Variants in C2CD3 observed in about 807,000 individuals in gnomAD.
C2CD3 encodes the protein C2 domain containing 3 centriole elongation regulator.
In C2CD3, 148 loss-of-function variants were observed where a neutral mutation model predicts 234.0. The ratio of observed to expected loss-of-function variants is 0.63; its 90% CI spans 0.55 to 0.72. C2CD3 has a LOEUF of 0.72. Among genes scored for constraint, C2CD3 ranks in the 30% least tolerant of loss-of-function variants. The pLI is 0.00. For synonymous variants in C2CD3, 1,000 were observed against 1,035.4 expected (o/e 0.97, Z 0.66); for missense variants, 2,577 against 2,811.5 (o/e 0.92, Z 1.89).
chr11:74,055,639 C>G (rs1296034232), intron 25 of C2CD3, among the ~76,000 whole-genome samples: 1 of 152,214 alleles, frequency 6.6e-6, no homozygotes, highest in East Asian at 1.9e-4. Flanking sequence ...GCTATTATCA[C>G]CTGAGTGACT....
chr11:74,133,274 T>A, intron 6 of C2CD3, 151 bp downstream of exon 6: 1 of 721,484 alleles, frequency 1.4e-6, no homozygotes, highest in South Asian at 1.8e-5. Context: ...ATTTTTAGTA[T>A]CTTAACTCCT....
intron 32 of C2CD3, among the ~76,000 whole-genome samples, chr11:74,026,869 G>GCTGAGGCA (rs1330318982): frequency 2.6e-5 from 4 of 151,146 alleles, no homozygotes; most frequent in African/African-American, 7.3e-5. Context: ...TACTTGGGAG[G>GCTGAGGCA]CTGAGGCAGG....
chr11:74,103,957 T>A (rs1251575995), intron 13 of C2CD3, among the ~76,000 whole-genome samples: 1 of 152,154 alleles, frequency 6.6e-6, no homozygotes, highest in Non-Finnish European at 1.5e-5. Flanking sequence ...AACTTAAGCA[T>A]CAGAATGAAT....
chr11:74,147,814 T>C (rs991379201), intron 3 of C2CD3, among the ~76,000 whole-genome samples: 1 of 152,236 alleles, frequency 6.6e-6, no homozygotes, highest in African/African-American at 2.4e-5. Context: ...GAAACAGGAT[T>C]TCCAGAAATG....
At chr11:74,083,135 C>T (rs1040617387) in intron 22 of C2CD3, among the ~76,000 whole-genome samples, 2 of 152,238 alleles carry the variant, frequency 1.3e-5, no homozygotes, top group Non-Finnish European at 1.5e-5. Context: ...AGAAATAACA[C>T]CACACATCTA....
chr11:74,116,950 A>ATATATGTGTATATACACATATACACG (rs1956978871), intron 9 of C2CD3, among the ~76,000 whole-genome samples: 1 of 88,978 alleles, frequency 1.1e-5, no homozygotes, highest in African/African-American at 4.5e-5. Context: ...ATATACACGT[A>ATATATGTGTATATACACATATACACG]TATATGTGTA....
chr11:74,145,444 T>C (rs1855114956), intron 3 of C2CD3, among the ~76,000 whole-genome samples: 3 of 152,220 alleles, frequency 2.0e-5, no homozygotes, highest in African/African-American at 4.8e-5. Context: ...AAGTTCCTTA[T>C]AGATTCTGGA....
intron 5 of C2CD3, among the ~76,000 whole-genome samples, chr11:74,137,328 G>C (rs1957896509): frequency 6.6e-6 from 1 of 151,740 alleles, no homozygotes; most frequent in Non-Finnish European, 1.5e-5. Context: ...TTTAACTACT[G>C]TAGCCCTGAT....
At chr11:74,059,166 A>G (rs1024611628) in intron 24 of C2CD3, among the ~76,000 whole-genome samples, 1 of 152,140 alleles carries the variant, frequency 6.6e-6, no homozygotes, top group Non-Finnish European at 1.5e-5. Context: ...CTGTATGTGT[A>G]TTCTAACTGG....
chr11:74,048,382 C>T, intron 27 of C2CD3, 44 bp from the exon 28 acceptor site: 3 of 1,597,474 alleles, frequency 1.9e-6, no homozygotes, highest in African/African-American at 1.3e-5. Context: ...CACCATAAAC[C>T]CATTCGTAAC....
At chr11:74,122,918 T>TGTCAC in intron 8 of C2CD3, 70 bp downstream of exon 8, 3 of 595,832 alleles carry the variant, frequency 5.0e-6, no homozygotes, top group Non-Finnish European at 7.1e-6. Flanking sequence ...ATAGCTGTCA[T>TGTCAC]GCCTGCAGCT....
intron 7 of C2CD3, among the ~76,000 whole-genome samples, chr11:74,128,130 C>T (rs909472769): frequency 9.2e-5 from 14 of 152,080 alleles, no homozygotes; most frequent in Non-Finnish European, 1.8e-4. Context: ...CCCAAAGTGC[C>T]GGGATCACAG....
chr11:74,112,155 C>T (rs1195167630), intron 11 of C2CD3, among the ~76,000 whole-genome samples: 1 of 152,126 alleles, frequency 6.6e-6, no homozygotes, highest in East Asian at 1.9e-4. Context: ...TGTTACTATG[C>T]TGTAAAGGAA....
At chr11:74,083,592 A>G (rs1228687429) in intron 22 of C2CD3, among the ~76,000 whole-genome samples, 1 of 152,226 alleles carries the variant, frequency 6.6e-6, no homozygotes, top group Admixed American at 6.5e-5. Context: ...AAACAAACTT[A>G]CAAGAAAAAA....
At chr11:74,024,702 A>C (rs555421278) in intron 32 of C2CD3, among the ~76,000 whole-genome samples, 2 of 152,324 alleles carry the variant, frequency 1.3e-5, no homozygotes, top group East Asian at 3.9e-4. Flanking sequence ...AAATTTTGGT[A>C]TCTCTACTTG....
At chr11:74,149,084 T>C (rs1855421054) in intron 3 of C2CD3, among the ~76,000 whole-genome samples, 3 of 152,186 alleles carry the variant, frequency 2.0e-5, no homozygotes, top group Non-Finnish European at 4.4e-5. Flanking sequence ...TAGCTCCAAA[T>C]AACATGATTA....
chr11:74,159,376 G>A (rs1326774475), intron 3 of C2CD3, among the ~76,000 whole-genome samples: 1 of 152,128 alleles, frequency 6.6e-6, no homozygotes, highest in Non-Finnish European at 1.5e-5. Context: ...TCCAGAAGAA[G>A]GCACTGTTAT....
rs1956408805 is a variant in C2CD3 at position 74,103,727 on chromosome 11, A to C, written c.2086-102T>G. ...CATCAGATTATTAGGAAATGAATTA[A>C]CTCATCCTCAAACACTCTAATAGTA... On this transcript the variant is annotated intron_variant, in intron 13 of 32. Coordinates refer to ENST00000334126, the MANE Select transcript of C2CD3 (RefSeq NM_001286577.2). 5 of 931,438 alleles carry C rather than the reference A, an allele frequency of 5.4e-6. No homozygotes were observed. The South Asian group carries it at 8.4e-5, about 16-fold the overall frequency. 57.7% of individuals were successfully genotyped at this position (931,438 alleles called of 1,614,324 possible). A position where few individuals can be genotyped will look rare whatever the true frequency, so the allele number is the denominator to read the frequency against.
chr11:74,168,221 CTT>C (rs1856930110), intron 2 of C2CD3, 121 bp downstream of exon 2: 2 of 782,428 alleles, frequency 2.6e-6, no homozygotes, highest in African/African-American at 1.7e-5. Flanking sequence ...TATAAAAACT[CTT>C]TGACTCTTCA....
Sources: allele counts gnomAD v4.1 joint callset (sites outside exome capture counted in the v4.1 genomes callset), GRCh38; gene constraint gnomAD v4.1.1; transcripts MANE v1.5; gene names NCBI Gene and HGNC (gene_info 2026-07-23, HGNC 2026-07-21).